The following PCNX1 variants were observed in gnomAD, a reference collection of about 807,000 sequenced individuals.
PCNX1 encodes pecanex-like protein 1.
A neutral mutation model predicts 242.2 loss-of-function variants in PCNX1; 78 were observed. The observed-to-expected ratio is 0.32, with a 90% CI of 0.27 to 0.39. The LOEUF (loss-of-function observed/expected upper bound fraction) is 0.39. Ranked by LOEUF, PCNX1 falls within the 10% of genes least tolerant of loss-of-function variation. PCNX1 has a pLI of 1.00. For missense variants in PCNX1, 2,581 were observed against 2,856.5 expected, an observed-to-expected ratio of 0.90 and a Z score of 2.20; for synonymous variants, 1,024 against 1,032.9, an observed-to-expected ratio of 0.99 and a Z score of 0.17.
Position 71,047,100 on chromosome 14 carries a change from T to C in PCNX1, c.4155T>C (p.Asn1385=). ...AETIASPKKL[N]TELGALMITV... is the part of the protein sequence containing the mutation. ...CAATTGCTAGTCCAAAGAAACTGAA[T>C]ACAGAGTAAGTATAGTAGTCTTCTA... The change falls in exon 21 of 36, where the codon AAT becomes AAC. Residue 1385 remains asparagine, a synonymous_variant. Transcript: ENST00000304743. 3.1e-6 allele frequency: 5 copies of C among 1,598,112 alleles called. No individual in the cohort carries two copies. Among genetic ancestry groups the C allele is most frequent in the Middle Eastern group, 1.7e-4 (1 of 5,848 alleles).
chr14:70,968,389 G>A, intron 4 of PCNX1, 146 bp downstream of exon 4: 2 of 553,718 alleles, frequency 3.6e-6, no homozygotes, highest in South Asian at 3.1e-5. Flanking sequence ...CTTATTAAAG[G>A]TTGGTTGACT....
chr14:71,078,774 C>T (rs764099765), intron 28 of PCNX1: 2 of 152,082 alleles, frequency 1.3e-5, no homozygotes, highest in Non-Finnish European at 2.9e-5. Context: ...TCACTGGCTG[C>T]TTTTAAGATT....
At chr14:71,052,595 G>A (rs1011696283) in intron 24 of PCNX1, among the ~76,000 whole-genome samples, 3 of 34,920 alleles carry the variant, frequency 8.6e-5, no homozygotes, top group African/African-American at 6.2e-4. Flanking sequence ...CAGTAATATT[G>A]AATTATTTCA....
intron 9 of PCNX1, among the ~76,000 whole-genome samples, chr14:71,010,434 T>C (rs1321601777): frequency 6.6e-6 from 1 of 152,094 alleles, no homozygotes; most frequent in Non-Finnish European, 1.5e-5. Flanking sequence ...ACTTTCATTT[T>C]GTTTAAAATT....
Position 70,978,390 on chromosome 14 carries a change from A to G in PCNX1, c.2053A>G (p.Lys685Glu), listed in dbSNP as rs770482645. ...TRRTSSTNSAKTRARVLSLDS... is the reference protein window; with the variant it reads ...TRRTSSTNSAETRARVLSLDS... ...ACGGACTTCTAGCACAAATAGTGCC[A>G]AGACTCGTGCCCGAGTGTTGAGCCT... Residue 685 changes from lysine to glutamate, a missense_variant, in exon 6 of 36, where the codon AAG becomes GAG. Lys to Glu is a moderately conservative substitution (Grantham distance 56, BLOSUM62 1). Coordinates refer to ENST00000304743, the MANE Select transcript of PCNX1 (RefSeq NM_014982.3). The G allele has an allele frequency of 1.9e-6, 3 of 1,614,264 alleles. No individual in the cohort carries two copies. The highest frequency in any genetic ancestry group is 1.1e-5 in the South Asian group (1 of 91,084).
rs2059766620 is a variant in PCNX1 at position 71,009,653 on chromosome 14, G to A, written c.2649G>A (p.Leu883=). The change falls in exon 9 of 36, where the codon CTG becomes CTA. Residue 883 remains leucine (L), a synonymous_variant. Coordinates refer to ENST00000304743, the MANE Select transcript of PCNX1 (RefSeq NM_014982.3). ...TGCTAGGTAAGTTCTCTTCTACGCT[G>A]TATGAGACTGGTGGCTGTGATATGT... The part of the protein sequence containing the change: ...HDELGKFSST[L]YETGGCDMSL... The A allele has an allele frequency of 6.2e-7, 1 of 1,600,578 alleles. No homozygotes were observed. Among genetic ancestry groups the A allele is most frequent in the Non-Finnish European group, 8.5e-7 (1 of 1,169,932 alleles).
chr14:71,103,747 A>G, intron 32 of PCNX1, 78 bp downstream of exon 32: 1 of 1,399,182 alleles, frequency 7.1e-7, no homozygotes, highest in South Asian at 1.3e-5. Context: ...TCACCTGGGA[A>G]GCTTGTAGAA....
Position 71,114,261 on chromosome 14 carries a change from T to TTATC in PCNX1, c.*4332_*4335dup, listed in dbSNP as rs569214509. The TTATC allele has an allele frequency of 6.0e-4, 92 of 152,328 alleles. No individual in the cohort carries two copies. The highest frequency in any genetic ancestry group is 2.0e-3 in the African/African-American group (82 of 41,580). The allele number at this position is 152,328 out of a possible 1,614,324, so 9.4% of individuals were successfully genotyped here. The stretch of plus-strand genomic sequence containing the variant: ...TTAAAAAGCCAATCGTTTTCTCCAT[T>TTATC]TATCTATCTTTTTTGTTTGTTTTTA... On this transcript the variant is annotated 3_prime_UTR_variant, in exon 36 of 36. Coordinates refer to ENST00000304743, the MANE Select transcript of PCNX1 (RefSeq NM_014982.3).
In PCNX1 at chr14:70,971,301, C is replaced by T. The variant is rs1183197771; in HGVS notation, c.604+2191C>T. 3.9e-5 allele frequency among the ~76,000 whole-genome samples: 2 copies of T among 51,464 alleles called. 1 individual carries two copies. The highest frequency in any genetic ancestry group is 8.2e-5 in the Non-Finnish European group (2 of 24,442). The allele number at this position is 51,464 out of a possible 152,430, so 33.8% of individuals were successfully genotyped here. ...CTGGGACTACAGGCGCCCGCCACCG[C>T]GCCCGGCTAATTTTTTGTATTTTTA... On this transcript the variant is annotated intron_variant, in intron 5 of 35. Transcript: ENST00000304743.
Position 71,036,152 on chromosome 14 carries a change from T to C in PCNX1, c.3862T>C (p.Leu1288=). Residue 1288 remains leucine (L), a synonymous_variant, in exon 19 of 36, where the codon TTG becomes CTG. Transcript: ENST00000304743. The part of the protein sequence containing the change: ...AIHVSTVFTV[L]QPALKYVLYT... ...TCATGTAAGCACAGTCTTCACAGTA[T>C]TGCAGGTAAGGAATCATTTTCTCCT... is the stretch of plus-strand genomic sequence containing the variant. 1.3e-6 allele frequency: 2 copies of C among 1,574,818 alleles called. No individual in the cohort carries two copies. The highest frequency in any genetic ancestry group is 2.2e-5 in the East Asian group (1 of 44,700).
intron 26 of PCNX1, among the ~76,000 whole-genome samples, chr14:71,064,258 T>C (rs1218294383): frequency 6.6e-6 from 1 of 152,142 alleles, no homozygotes; most frequent in Admixed American, 6.6e-5. Flanking sequence ...AAAAAATCTT[T>C]TTTCAATTAT....
At chr14:70,959,575 C>T (rs1478010007) in intron 2 of PCNX1, among the ~76,000 whole-genome samples, 1 of 151,714 alleles carries the variant, frequency 6.6e-6, no homozygotes, top group Non-Finnish European at 1.5e-5. Flanking sequence ...TTTTTTATGG[C>T]TGCATAGTAT....
intron 19 of PCNX1, among the ~76,000 whole-genome samples, chr14:71,039,240 AAAAC>A (rs1428963771): frequency 1.3e-5 from 2 of 152,056 alleles, no homozygotes; most frequent in Admixed American, 6.6e-5. Context: ...AAAAATTAAA[AAAAC>A]AAAAAAAACC....
intron 1 of PCNX1, chr14:70,942,822 C>T (rs1276707841): frequency 6.6e-6 from 1 of 152,140 alleles, no homozygotes; most frequent in East Asian, 1.9e-4. Context: ...ATTTTGTGTC[C>T]TCACCCAAAT....
chr14:70,956,992 A>ATACTAT (rs1555348048), intron 2 of PCNX1, among the ~76,000 whole-genome samples: 2 of 149,834 alleles, frequency 1.3e-5, no homozygotes, highest in Admixed American at 1.3e-4. Flanking sequence ...TGTTTTTATT[A>ATACTAT]TATTATTATT....
chr14:71,048,979 T>G, intron 22 of PCNX1: 1 of 840,524 alleles, frequency 1.2e-6, no homozygotes, highest in Non-Finnish European at 1.4e-6. Flanking sequence ...ATCATTTATT[T>G]CCTCTTCTAG....
At chr14:71,061,996 G>A (rs1415422296) in intron 26 of PCNX1, among the ~76,000 whole-genome samples, 1 of 152,032 alleles carries the variant, frequency 6.6e-6, no homozygotes, top group African/African-American at 2.4e-5. Context: ...TTTTTAAGGA[G>A]CTCAACAAGC....
chr14:71,051,068 T>G (rs1054272322), intron 23 of PCNX1, among the ~76,000 whole-genome samples: 9 of 146,408 alleles, frequency 6.1e-5, no homozygotes, highest in Admixed American at 2.2e-4. Context: ...CCCGGGAGGC[T>G]GAGGCAGGAG....
chr14:71,080,946 C>T (rs759995624), intron 28 of PCNX1, among the ~76,000 whole-genome samples: 41 of 152,148 alleles, frequency 2.7e-4, no homozygotes, highest in South Asian at 6.2e-4. Flanking sequence ...TGTCTTGTGC[C>T]GGTTTTCAAA....
Sources: gnomAD v4.1 joint callset for allele counts (sites outside exome capture counted in the v4.1 genomes callset) on GRCh38, gnomAD v4.1.1 for gene constraint, MANE v1.5 for transcripts, NCBI Gene and HGNC (gene_info 2026-07-23, HGNC 2026-07-21) for gene names.